The following OR9Q1 variants were observed in gnomAD, a reference collection of about 807,000 sequenced individuals.
OR9Q1 encodes olfactory receptor family 9 subfamily Q member 1.
For missense variants in OR9Q1, 374 were observed against 378.8 expected, an observed-to-expected ratio of 0.99 and a Z score of 0.11; for synonymous variants, 153 against 148.6, an observed-to-expected ratio of 1.03 and a Z score of -0.22.
At position 58,181,126 on chromosome 11, in the gene OR9Q1, T is replaced by A. The variant is rs573988577; in HGVS notation, c.*749T>A. The A allele has an allele frequency of 1.8e-3, 296 of 167,198 alleles. No homozygotes were observed. The highest frequency in any genetic ancestry group is 4.2e-3 in the Admixed American group (65 of 15,302). The allele number at this position is 167,198 out of a possible 1,614,324, so 10.4% of individuals were successfully genotyped here. A position where few individuals can be genotyped will look rare whatever the true frequency, so the allele number is the denominator to read the frequency against. On this transcript the variant is annotated 3_prime_UTR_variant, in exon 3 of 3. Coordinates refer to ENST00000335397, the MANE Select transcript of OR9Q1 (RefSeq NM_001005212.4). ...TCTGTCAATTGCTATCACCTCTGGA[T>A]ATATGCCCTGTTCTTTTTCTTCCTA...
At chr11:58,091,592 A>G (rs774880201) in intron 2 of OR9Q1, among the ~76,000 whole-genome samples, 22 of 152,154 alleles carry the variant, frequency 1.4e-4, no homozygotes, top group Non-Finnish European at 2.2e-4. Context: ...AATATGTGCA[A>G]TGTGATGCTG....
At chr11:58,063,860 A>G (rs1439855446) in intron 2 of OR9Q1, among the ~76,000 whole-genome samples, 1 of 152,240 alleles carries the variant, frequency 6.6e-6, no homozygotes, top group Non-Finnish European at 1.5e-5. Flanking sequence ...ACTGAAATCT[A>G]GGCAAATGTT....
At chr11:58,164,744 C>A (rs1211411589) in intron 2 of OR9Q1, among the ~76,000 whole-genome samples, 1 of 152,152 alleles carries the variant, frequency 6.6e-6, no homozygotes, top group African/African-American at 2.4e-5. Context: ...GCAAAAAATT[C>A]TTGCATCGTC....
intron 2 of OR9Q1, among the ~76,000 whole-genome samples, chr11:58,139,694 T>G (rs1854225424): frequency 1.3e-5 from 2 of 152,132 alleles, no homozygotes; most frequent in African/African-American, 4.8e-5. Flanking sequence ...TGTTGGACAT[T>G]TGGGTTGGTT....
At chr11:58,050,391 C>T (rs981109033) in intron 1 of OR9Q1, among the ~76,000 whole-genome samples, 20 of 140,992 alleles carry the variant, frequency 1.4e-4, no homozygotes, top group Non-Finnish European at 2.6e-4. Context: ...AACTGGCTAG[C>T]GATATGTAGA....
chr11:58,147,997 C>T (rs1035001049), intron 2 of OR9Q1, among the ~76,000 whole-genome samples: 2 of 152,116 alleles, frequency 1.3e-5, no homozygotes, highest in East Asian at 3.9e-4. Flanking sequence ...TGGAATTATA[C>T]ATTTTTAGCT....
chr11:58,076,595 A>G (rs1401060007), intron 2 of OR9Q1, among the ~76,000 whole-genome samples: 1 of 152,198 alleles, frequency 6.6e-6, no homozygotes, highest in East Asian at 1.9e-4. Flanking sequence ...AAGGTGAGAT[A>G]ATGACAGAAC....
At chr11:58,097,747 A>G (rs1185637128) in intron 2 of OR9Q1, among the ~76,000 whole-genome samples, 1 of 152,254 alleles carries the variant, frequency 6.6e-6, no homozygotes, top group Non-Finnish European at 1.5e-5. Flanking sequence ...ACATTCTGGT[A>G]TATCCATTTA....
At chr11:58,109,354 A>G in intron 2 of OR9Q1, 1 of 459,660 alleles carries the variant, frequency 2.2e-6, no homozygotes, top group Non-Finnish European at 4.4e-6. Flanking sequence ...TATGGTGAAG[A>G]AAGAGAACTG....
intron 2 of OR9Q1, among the ~76,000 whole-genome samples, chr11:58,148,536 A>T (rs1854320820): frequency 6.6e-6 from 1 of 152,166 alleles, no homozygotes; most frequent in African/African-American, 2.4e-5. Flanking sequence ...TGTGCAAATG[A>T]CCACAAGAAC....
At chr11:58,089,668 G>A (rs1049813822) in intron 2 of OR9Q1, among the ~76,000 whole-genome samples, 2 of 151,800 alleles carry the variant, frequency 1.3e-5, no homozygotes, top group African/African-American at 4.9e-5. Context: ...ATTTAAAGTA[G>A]TTTTTTTCTA....
At chr11:58,041,482 C>T (rs11607308) in intron 1 of OR9Q1, 33,238 of 153,654 alleles carry the variant, frequency 0.22, 4,163 homozygotes, top group Middle Eastern at 0.38. Flanking sequence ...GTTGTTGGCT[C>T]GGATGATGGG....
intron 2 of OR9Q1, among the ~76,000 whole-genome samples, chr11:58,164,560 C>G (rs1250720582): frequency 6.6e-6 from 1 of 152,140 alleles, no homozygotes; most frequent in African/African-American, 2.4e-5. Flanking sequence ...GGAAACTGAT[C>G]AGGTTCACCT....
chr11:58,031,650 G>A lies in OR9Q1; in HGVS notation c.-93+7546G>A, dbSNP rs533557504. Reference sequence around the variant, plus strand: ...ATCGTCTGGACACTGCTGCACATCCGCTCAGCTGCTGAGCGCTGGAAGGCC... The same window carrying A: ...ATCGTCTGGACACTGCTGCACATCCACTCAGCTGCTGAGCGCTGGAAGGCC... On this transcript the variant is annotated intron_variant, in intron 1 of 2. Transcript: ENST00000335397. 4.5e-5 allele frequency: 73 copies of A among 1,613,842 alleles called. No homozygotes were observed. In the East Asian group the frequency reaches 7.8e-4, roughly 17 times the overall value.
At chr11:58,127,222 T>A (rs555366053) in intron 2 of OR9Q1, among the ~76,000 whole-genome samples, 1 of 152,234 alleles carries the variant, frequency 6.6e-6, no homozygotes, top group East Asian at 1.9e-4. Context: ...AGTGCTGGGA[T>A]TACAGGCATG....
chr11:58,158,527 G>A (rs1196173309), intron 2 of OR9Q1, among the ~76,000 whole-genome samples: 1 of 150,832 alleles, frequency 6.6e-6, no homozygotes, highest in African/African-American at 2.4e-5. Context: ...CCAGGTCCTT[G>A]CTATATCACA....
intron 2 of OR9Q1, chr11:58,109,490 G>T (rs61729635): frequency 0.012 from 5,615 of 463,052 alleles, 201 homozygotes; most frequent in African/African-American, 0.083. Context: ...AAGTACACGG[G>T]GGTGTGGAGT....
At chr11:58,172,030 CA>C (rs750754247) in intron 2 of OR9Q1, among the ~76,000 whole-genome samples, 27 of 152,180 alleles carry the variant, frequency 1.8e-4, no homozygotes, top group Non-Finnish European at 3.4e-4. Flanking sequence ...TAACATTGAG[CA>C]AAATGGGATG....
chr11:58,109,651 C>A (rs1565078223), intron 2 of OR9Q1: 1 of 454,208 alleles, frequency 2.2e-6, no homozygotes, highest in South Asian at 1.6e-5. Flanking sequence ...GCTGAGATTT[C>A]TTTTGGCCAT....
Sources: allele counts gnomAD v4.1 joint callset (sites outside exome capture counted in the v4.1 genomes callset), GRCh38; gene constraint gnomAD v4.1.1; transcripts MANE v1.5; gene names NCBI Gene and HGNC (gene_info 2026-07-23, HGNC 2026-07-21).